Variants in CNBD1 observed in about 807,000 individuals in gnomAD.
The protein encoded by CNBD1 is cyclic nucleotide binding domain containing 1, also known as cyclic nucleotide-binding domain-containing protein 1.
CNBD1 carries 71 observed loss-of-function variants against 54.4 expected under a neutral mutation model. That is an observed-to-expected ratio of 1.30 (90% CI 1.08 to 1.59). The LOEUF is 1.59. Among genes scored for constraint, CNBD1 ranks in the 40% most tolerant of loss-of-function variants. The probability of loss-of-function intolerance (pLI) is 0.00; values close to 1 mark genes in which losing one functional copy is unlikely to be tolerated. For missense variants in CNBD1, 659 were observed against 518.0 expected, an observed-to-expected ratio of 1.27 and a Z score of -2.64; for synonymous variants, 182 against 170.7, an observed-to-expected ratio of 1.07 and a Z score of -0.51.
intron 4 of CNBD1, among the ~76,000 whole-genome samples, chr8:87,173,411 T>A (rs1813132883): frequency 2.0e-5 from 3 of 152,226 alleles, no homozygotes; most frequent in African/African-American, 7.2e-5. Context: ...TATTGCTCAT[T>A]AACTTTCTTT....
intron 4 of CNBD1, among the ~76,000 whole-genome samples, chr8:87,028,538 T>C (rs1320791587): frequency 6.6e-6 from 1 of 152,180 alleles, no homozygotes; most frequent in Non-Finnish European, 1.5e-5. Context: ...AATCAGGTGA[T>C]GCAGCTGAGA....
At chr8:87,174,646 T>A (rs967300463) in intron 4 of CNBD1, among the ~76,000 whole-genome samples, 2 of 152,308 alleles carry the variant, frequency 1.3e-5, no homozygotes, top group African/African-American at 4.8e-5. Flanking sequence ...TATTTGTTGG[T>A]GTCTGGGCAT....
chr8:86,987,485 C>T (rs1808634911), intron 4 of CNBD1, among the ~76,000 whole-genome samples: 1 of 152,020 alleles, frequency 6.6e-6, no homozygotes, highest in Non-Finnish European at 1.5e-5. Context: ...TGTTTAGGTG[C>T]ATATTATTTC....
chr8:87,315,015 T>C (rs1809353728), intron 8 of CNBD1, among the ~76,000 whole-genome samples: 1 of 152,064 alleles, frequency 6.6e-6, no homozygotes, highest in African/African-American at 2.4e-5. Context: ...TTGATTCTAA[T>C]GTCTACACGG....
At chr8:87,389,750 TA>T (rs1297993170) in intron 2 of CNBD1, among the ~76,000 whole-genome samples, 1 of 151,108 alleles carries the variant, frequency 6.6e-6, no homozygotes, top group East Asian at 2.0e-4. Flanking sequence ...GGAAAAAAAC[TA>T]AAGTTCATAT....
chr8:87,323,926 A>C (rs1279864033), intron 8 of CNBD1, among the ~76,000 whole-genome samples: 1 of 138,454 alleles, frequency 7.2e-6, no homozygotes, highest in African/African-American at 2.7e-5. Flanking sequence ...TCAGTATGAT[A>C]TTGGCTGTGG....
chr8:86,880,262 G>A (rs899532005), intron 1 of CNBD1, among the ~76,000 whole-genome samples: 3 of 151,962 alleles, frequency 2.0e-5, no homozygotes, highest in Non-Finnish European at 2.9e-5. Flanking sequence ...GATTACAGGA[G>A]ACACACAGTC....
intron 6 of CNBD1, among the ~76,000 whole-genome samples, chr8:87,242,246 G>C (rs145891984): frequency 0.012 from 1,804 of 152,190 alleles, 26 homozygotes; most frequent in Middle Eastern, 0.034. Context: ...GCTGTCTCTT[G>C]TGGGGAAAAT....
intron 4 of CNBD1, among the ~76,000 whole-genome samples, chr8:87,021,867 T>C (rs1412910165): frequency 1.3e-5 from 2 of 152,186 alleles, no homozygotes; most frequent in East Asian, 3.9e-4. Context: ...TGTCTAGTAT[T>C]TACCAGATTT....
chr8:87,035,543 A>T (rs112659146), intron 4 of CNBD1, among the ~76,000 whole-genome samples: 23 of 152,358 alleles, frequency 1.5e-4, no homozygotes, highest in African/African-American at 5.3e-4. Context: ...CAAGGTTCAA[A>T]GCAGATACAA....
At chr8:87,256,788 G>A (rs1160757335) in intron 6 of CNBD1, among the ~76,000 whole-genome samples, 2 of 151,622 alleles carry the variant, frequency 1.3e-5, no homozygotes, top group Non-Finnish European at 2.9e-5. Context: ...GGTTTACAAT[G>A]GATATACAGT....
At chr8:87,383,944 G>A (rs116370388), downstream of CNBD1, among the ~76,000 whole-genome samples, 2,835 of 152,112 alleles carry the variant, frequency 0.019, 90 homozygotes, top group African/African-American at 0.065. Flanking sequence ...TTTAGATCAT[G>A]GCTATCTAAA....
chr8:87,034,054 T>C (rs1809854442), intron 4 of CNBD1, among the ~76,000 whole-genome samples: 1 of 152,230 alleles, frequency 6.6e-6, no homozygotes, highest in Non-Finnish European at 1.5e-5. Context: ...AGCAAGGTTT[T>C]CATGTTGCTA....
chr8:87,123,728 T>C (rs1268687313), intron 4 of CNBD1, among the ~76,000 whole-genome samples: 1 of 150,792 alleles, frequency 6.6e-6, no homozygotes, highest in African/African-American at 2.4e-5. Context: ...AAATGAAGAG[T>C]TGGTTTTTTG....
At chr8:87,395,298 A>G (rs1721551514) in intron 2 of CNBD1, among the ~76,000 whole-genome samples, 1 of 151,896 alleles carries the variant, frequency 6.6e-6, no homozygotes, top group Non-Finnish European at 1.5e-5. Flanking sequence ...TTGGCATAGT[A>G]TATATTTTTT....
In CNBD1 at chr8:86,933,887, T is replaced by C. The variant is rs536605256; in HGVS notation, c.273-5709T>C. On this transcript the variant is annotated intron_variant, in intron 3 of 10. Transcript: ENST00000518476. ...TAACAATCCAATTGAGTACATTATTTTATGTATCTCTATTATTTATCTGGA... is the reference window on the plus strand; with the variant it reads ...TAACAATCCAATTGAGTACATTATTCTATGTATCTCTATTATTTATCTGGA... Among the ~76,000 whole-genome samples, 29 of 152,262 alleles carry C rather than the reference T, an allele frequency of 1.9e-4. No individual in the cohort carries two copies. In the East Asian group the frequency reaches 5.2e-3, roughly 27 times the overall value.
intron 5 of CNBD1, among the ~76,000 whole-genome samples, chr8:87,225,089 A>G (rs1814448481): frequency 6.6e-6 from 1 of 151,040 alleles, no homozygotes; most frequent in Admixed American, 6.6e-5. Flanking sequence ...TTGCACATTG[A>G]TTTTGTATCC....
At chr8:87,105,577 C>T (rs1811516614) in intron 4 of CNBD1, among the ~76,000 whole-genome samples, 1 of 152,074 alleles carries the variant, frequency 6.6e-6, no homozygotes, top group African/African-American at 2.4e-5. Flanking sequence ...CAGGTGGTTG[C>T]CCCTCTGTCA....
intron 1 of CNBD1, among the ~76,000 whole-genome samples, chr8:86,883,785 A>G (rs943025580): frequency 2.0e-5 from 3 of 152,374 alleles, no homozygotes; most frequent in Non-Finnish European, 2.9e-5. Context: ...GAAATAGAAA[A>G]GATAAACGTA....
Sources: gnomAD v4.1 joint callset for allele counts (sites outside exome capture counted in the v4.1 genomes callset) on GRCh38, gnomAD v4.1.1 for gene constraint, MANE v1.5 for transcripts, NCBI Gene and HGNC (gene_info 2026-07-23, HGNC 2026-07-21) for gene names.